NUDT5: variants seen among roughly 807,000 people sequenced by gnomAD.
NUDT5 encodes nudix hydrolase 5.
Under a neutral mutation model 34.1 loss-of-function variants are expected in NUDT5, and 21 were observed. That is an observed-to-expected ratio of 0.62 (90% CI 0.44 to 0.89). NUDT5 has a LOEUF of 0.89. NUDT5 is among the 40% of genes least tolerant of loss of function. The pLI, the probability that NUDT5 is intolerant of heterozygous loss-of-function variation, is 0.00. For synonymous variants in NUDT5, 85 were observed against 97.6 expected, an observed-to-expected ratio of 0.87 and a Z score of 0.76; for missense variants, 249 against 274.8, an observed-to-expected ratio of 0.91 and a Z score of 0.66.
Position 12,177,869 on chromosome 10 carries a change from T to C in NUDT5, c.213A>G (p.Thr71=), listed in dbSNP as rs746983700. ...GVAVIPVLQR[T]LHYECIVLVK... ...CCAGAACGATACACTCATAGTGAAG[T>C]GTTCTCTGCAGCACGGGGATGACCG... is the stretch of plus-strand genomic sequence containing the variant. The change falls in exon 5 of 10, where the codon ACA becomes ACG. Residue 71 remains threonine (T), a synonymous_variant. Coordinates refer to ENST00000491614, the MANE Select transcript of NUDT5 (RefSeq NM_014142.4). The C allele has an allele frequency of 1.1e-5, 18 of 1,613,980 alleles. No homozygotes were observed. The highest frequency in any genetic ancestry group is 1.3e-5 in the Non-Finnish European group (15 of 1,180,012).
rs1437330650 is a variant in NUDT5 at position 12,187,103 on chromosome 10, G to A, written c.-41-771C>T. 6.6e-6 allele frequency among the ~76,000 whole-genome samples: 1 copy of A among 152,158 alleles called. No homozygotes were observed. Among genetic ancestry groups the A allele is most frequent in the African/African-American group, 2.4e-5 (1 of 41,428 alleles). ...GTTGGAGTGCAGTGGCGAAATCATG[G>A]CTCACTGTAGCCTCTACCTCCCAAG... is the stretch of plus-strand genomic sequence containing the variant. On this transcript the variant is annotated intron_variant, in intron 1 of 9. Transcript: ENST00000491614. The surrounding 1 kb of genome is among the most constrained non-coding windows in gnomAD (Gnocchi z 5.4).
In NUDT5 at chr10:12,169,441, T is replaced by C. The variant is rs543113774; in HGVS notation, c.550+1276A>G. On this transcript the variant is annotated intron_variant, in intron 9 of 9. Transcript: ENST00000491614. The surrounding 1 kb of genome is among the most constrained non-coding windows in gnomAD (Gnocchi z 4.8). Reference sequence around the variant, plus strand: ...TTTTATGAAAAAAGCCGAGAGAGGCTACAGAACCTGTTTGATGTGATAGCT... The same window carrying C: ...TTTTATGAAAAAAGCCGAGAGAGGCCACAGAACCTGTTTGATGTGATAGCT... 4.3e-5 allele frequency: 32 copies of C among 735,962 alleles called. No homozygotes were observed. In the South Asian group the frequency reaches 6.0e-4, roughly 14 times the overall value. 45.6% of individuals were successfully genotyped at this position (735,962 alleles called of 1,614,324 possible).
At position 12,170,851 on chromosome 10, in the gene NUDT5, CACT is replaced by C; in HGVS notation, c.496+46_496+48del. 32 of 1,613,592 alleles carry C rather than the reference CACT, an allele frequency of 2.0e-5. No homozygotes were observed. The highest frequency in any genetic ancestry group is 2.7e-5 in the Non-Finnish European group (32 of 1,179,540). ...AACCCAAAATGTCTGCAGCCATCACCACTACACTAAGTCATACACGCTCGGCCA... is the reference window on the plus strand; with the variant it reads ...AACCCAAAATGTCTGCAGCCATCACCACACTAAGTCATACACGCTCGGCCA... On this transcript the variant is annotated intron_variant, in intron 8 of 9. Coordinates refer to ENST00000491614, the MANE Select transcript of NUDT5 (RefSeq NM_014142.4). The surrounding 1 kb of genome is among the most constrained non-coding windows in gnomAD (Gnocchi z 4.9).
intron 7 of NUDT5, among the ~76,000 whole-genome samples, chr10:12,172,009 G>A (rs1385712296): frequency 6.6e-6 from 1 of 152,168 alleles, no homozygotes; most frequent in East Asian, 1.9e-4. Flanking sequence ...ACAGGCATGA[G>A]CCACCACGCC....
rs996086114 is a variant in NUDT5, at chr10:12,166,138, G to A, written c.*1564C>T. The A allele has an allele frequency of 4.6e-5, 7 of 151,264 alleles. No homozygotes were observed. The highest frequency in any genetic ancestry group is 1.7e-4 in the African/African-American group (7 of 40,498). The allele number at this position is 151,264 out of a possible 1,614,324, so 9.4% of individuals were successfully genotyped here. A position where few individuals can be genotyped will look rare whatever the true frequency, so the allele number is the denominator to read the frequency against. ...TCTGACTTCTAAGTTGCACTCTTAG[G>A]AAGAAGGAGAGGATAAGCTTAGGTC... On this transcript the variant is annotated 3_prime_UTR_variant, in exon 10 of 10. Transcript: ENST00000491614.
intron 5 of NUDT5, among the ~76,000 whole-genome samples, chr10:12,174,771 C>G (rs1834922614): frequency 2.0e-5 from 3 of 152,192 alleles, no homozygotes; most frequent in African/African-American, 7.2e-5. Flanking sequence ...CTGGCTTAGG[C>G]TTGGGAGCTT....
chr10:12,192,593 C>T (rs1018415386), intron 1 of NUDT5, among the ~76,000 whole-genome samples: 1 of 151,998 alleles, frequency 6.6e-6, no homozygotes, highest in African/African-American at 2.4e-5. Flanking sequence ...GTGGCTCATG[C>T]CTGTAATCCC....
At chr10:12,176,322 G>A (rs899435162) in intron 5 of NUDT5, among the ~76,000 whole-genome samples, 3 of 152,114 alleles carry the variant, frequency 2.0e-5, no homozygotes, top group African/African-American at 2.4e-5. Flanking sequence ...ATAAAACTTT[G>A]GCTGGGTGTG....
chr10:12,167,821 G>A lies in NUDT5; in HGVS notation c.551-10C>T, dbSNP rs370475078. On this transcript the variant is annotated splice_polypyrimidine_tract_variant and intron_variant, in intron 9 of 9. Transcript: ENST00000491614. Reference sequence around the variant, plus strand: ...TCTTCAGCTACCAGAGCTGTGGAAAGCAAAGAAAACAACTTAGATCATGCC... The same window carrying A: ...TCTTCAGCTACCAGAGCTGTGGAAAACAAAGAAAACAACTTAGATCATGCC... 3.1e-6 allele frequency: 5 copies of A among 1,613,036 alleles called. No homozygotes were observed. The African/African-American group carries it at 6.7e-5, about 22-fold the overall frequency.
At chr10:12,185,778 A>G (rs1232083932) in intron 2 of NUDT5, among the ~76,000 whole-genome samples, 1 of 152,206 alleles carries the variant, frequency 6.6e-6, no homozygotes, top group African/African-American at 2.4e-5. Flanking sequence ...GCAGGAAGAG[A>G]CTTTTAAAGC....
intron 5 of NUDT5, among the ~76,000 whole-genome samples, chr10:12,177,382 G>A (rs755998165): frequency 6.6e-5 from 10 of 152,038 alleles, no homozygotes; most frequent in Non-Finnish European, 1.3e-4. Flanking sequence ...AGCCGGGCGT[G>A]GTGGCGGGCG....
intron 3 of NUDT5, chr10:12,180,557 C>A (rs3780865): frequency 0.05 from 7,618 of 152,068 alleles, 257 homozygotes; most frequent in Non-Finnish European, 0.078. Flanking sequence ...CAAGCAGTAA[C>A]GAGCCATAAA....
intron 3 of NUDT5, 65 bp from the exon 4 acceptor site, chr10:12,179,197 C>A: frequency 7.3e-7 from 1 of 1,371,408 alleles, no homozygotes; most frequent in South Asian, 1.2e-5. Context: ...TAGGTTTTCT[C>A]TGTACAACCA....
chr10:12,171,682 A>AT lies in NUDT5; in HGVS notation c.488-775dup, dbSNP rs1227463842. On this transcript the variant is annotated intron_variant, in intron 7 of 9. Transcript: ENST00000491614. The surrounding 1 kb of genome is among the most constrained non-coding windows in gnomAD (Gnocchi z 4.2). The stretch of plus-strand genomic sequence containing the variant: ...GTATATGTGCAGTTCAAAAATTAAG[A>AT]TTTATTTTATTTATTTATTTATTTA... Among the ~76,000 whole-genome samples the AT allele has an allele frequency of 9.0e-5, 13 of 144,216 alleles. No individual in the cohort carries two copies. The highest frequency in any genetic ancestry group is 2.3e-4 in the African/African-American group (9 of 39,236). 94.6% of individuals were successfully genotyped at this position (144,216 alleles called of 152,430 possible).
intron 1 of NUDT5, among the ~76,000 whole-genome samples, chr10:12,188,840 A>T (rs1835173068): frequency 6.6e-6 from 1 of 152,130 alleles, no homozygotes; most frequent in Non-Finnish European, 1.5e-5. Flanking sequence ...AGAACACAAA[A>T]TTTATGTCAA....
At chr10:12,183,451 AGTT>A in intron 3 of NUDT5, among the ~76,000 whole-genome samples, 1 of 152,352 alleles carries the variant, frequency 6.6e-6, no homozygotes, top group Admixed American at 6.5e-5. Context: ...ATATAATCAC[AGTT>A]GTTCAGATGA....
chr10:12,178,605 G>A (rs969750590), intron 4 of NUDT5, among the ~76,000 whole-genome samples: 2 of 152,244 alleles, frequency 1.3e-5, no homozygotes, highest in African/African-American at 4.8e-5. Flanking sequence ...AGGATTGTTT[G>A]TAGGCTCTTT....
At position 12,170,083 on chromosome 10, in the gene NUDT5, T is replaced by C; in HGVS notation, c.550+634A>G. On this transcript the variant is annotated intron_variant, in intron 9 of 9. Coordinates refer to ENST00000491614, the MANE Select transcript of NUDT5 (RefSeq NM_014142.4). This position sits in a 1 kb window ranked among gnomAD's most constrained non-coding sequence, Gnocchi z 4.9. ...CGTCTCCACACAGTATCTCCTCATG[T>C]CTCCATACAGTATCTCCTCTCGTGG... The C allele has an allele frequency of 1.2e-6, 2 of 1,605,318 alleles. No homozygotes were observed. Among genetic ancestry groups the C allele is most frequent in the Non-Finnish European group, 1.7e-6 (2 of 1,173,034 alleles).
At chr10:12,183,324 T>C (rs1348291724) in intron 3 of NUDT5, among the ~76,000 whole-genome samples, 4 of 152,244 alleles carry the variant, frequency 2.6e-5, no homozygotes, top group Admixed American at 2.0e-4. Flanking sequence ...TGGTGGATCA[T>C]ACTGTGCTTA....
Sources: allele counts gnomAD v4.1 joint callset (sites outside exome capture counted in the v4.1 genomes callset), GRCh38; gene constraint gnomAD v4.1.1; non-coding constraint Gnocchi (gnomAD v3.1); transcripts MANE v1.5; gene names NCBI Gene and HGNC (gene_info 2026-07-23, HGNC 2026-07-21).